ARHGAP39: variants seen among roughly 807,000 people sequenced by gnomAD.
ARHGAP39 encodes the protein Rho GTPase activating protein 39.
Under a neutral mutation model 106.9 loss-of-function variants are expected in ARHGAP39, and 44 were observed. That is an observed-to-expected ratio of 0.41 (90% confidence interval 0.32 to 0.53). The LOEUF (loss-of-function observed/expected upper bound fraction) is 0.53. Ranked by LOEUF, ARHGAP39 falls within the 20% of genes least tolerant of loss-of-function variation. The pLI, the probability that ARHGAP39 is intolerant of heterozygous loss-of-function variation, is 0.21. For missense variants in ARHGAP39, 1,496 were observed against 1,577.3 expected (o/e 0.95, Z 0.87); for synonymous variants, 768 against 693.2 (o/e 1.11, Z -1.69).
intron 7 of ARHGAP39, among the ~76,000 whole-genome samples, chr8:144,536,724 G>A (rs1328137192): frequency 6.6e-6 from 1 of 152,220 alleles, no homozygotes; most frequent in East Asian, 1.9e-4. Flanking sequence ...CCAGGGTGAG[G>A]ACAAGTCCCT....
intron 3 of ARHGAP39, among the ~76,000 whole-genome samples, chr8:144,561,683 C>T (rs970315284): frequency 9.2e-5 from 14 of 151,860 alleles, no homozygotes; most frequent in South Asian, 2.1e-4. Context: ...TGGTTTCCAT[C>T]GCGCTCCAGT....
At chr8:144,628,901 G>A (rs753139570) in intron 1 of ARHGAP39, among the ~76,000 whole-genome samples, 1 of 151,996 alleles carries the variant, frequency 6.6e-6, no homozygotes. Context: ...TCCCACCACC[G>A]AAATCCAGCT....
chr8:144,687,316 G>T (rs1230753046), upstream of ARHGAP39, among the ~76,000 whole-genome samples: 13 of 28,230 alleles, frequency 4.6e-4, no homozygotes, highest in African/African-American at 7.1e-4. Context: ...ACCACGCACT[G>T]GCGGCGAGCA....
intron 1 of ARHGAP39, among the ~76,000 whole-genome samples, chr8:144,627,192 G>C (rs973043373): frequency 2.6e-5 from 4 of 152,202 alleles, no homozygotes; most frequent in Non-Finnish European, 4.4e-5. Flanking sequence ...ACAGGCGGGG[G>C]ACACAGGAGG....
chr8:144,555,774 C>A, intron 3 of ARHGAP39, 131 bp from the exon 4 acceptor site: 1 of 765,820 alleles, frequency 1.3e-6, no homozygotes, highest in Non-Finnish European at 2.2e-6. Context: ...TGCCCCCAGG[C>A]TGTATTCTTC....
At chr8:144,533,028 C>T in intron 9 of ARHGAP39, 98 bp downstream of exon 9, 2 of 1,429,950 alleles carry the variant, frequency 1.4e-6, no homozygotes, top group Non-Finnish European at 1.9e-6. Context: ...CGGAAGCAGC[C>T]CAGTGGGCCT....
chr8:144,590,668 C>A (rs1183440427), intron 2 of ARHGAP39, among the ~76,000 whole-genome samples: 1 of 152,160 alleles, frequency 6.6e-6, no homozygotes, highest in African/African-American at 2.4e-5. Context: ...GGCCAGCCTG[C>A]AGAAGGCTGG....
chr8:144,628,159 C>G (rs1339483360), intron 1 of ARHGAP39, among the ~76,000 whole-genome samples: 1 of 152,200 alleles, frequency 6.6e-6, no homozygotes, highest in Non-Finnish European at 1.5e-5. Flanking sequence ...GAGACAGCGT[C>G]CTCAGAGAGG....
chr8:144,581,216 T>A lies in ARHGAP39; in HGVS notation c.142A>T (p.Thr48Ser), dbSNP rs893055183. 4 of 1,555,770 alleles carry A rather than the reference T, an allele frequency of 2.6e-6. No homozygotes were observed. In the African/African-American group the frequency reaches 5.4e-5, roughly 21 times the overall value. The change falls in exon 3 of 12, where the codon ACC becomes TCC. Residue 48 changes from threonine to serine, a missense_variant. This residue lies in a region of ARHGAP39 where 96 missense variants were observed against 107.9 expected (regional missense o/e 0.89). Coordinates refer to ENST00000377307, the MANE Select transcript of ARHGAP39 (RefSeq NM_025251.3). ...GGCGGGTCCCACACGCACTCACCGG[T>A]GACCAGGTTGGCGTACATGCGCTCG... Reference protein sequence around the residue: ...TRERMYANLVTGECVWDPPAG... With the variant: ...TRERMYANLVSGECVWDPPAG...
intron 3 of ARHGAP39, among the ~76,000 whole-genome samples, chr8:144,564,938 G>C (rs556145695): frequency 6.6e-6 from 1 of 152,118 alleles, no homozygotes; most frequent in East Asian, 1.9e-4. Flanking sequence ...ATGAAGCCCT[G>C]TCTCTCCTAA....
At chr8:144,657,688 T>A (rs566003622) in intron 1 of ARHGAP39, among the ~76,000 whole-genome samples, 84 of 152,256 alleles carry the variant, frequency 5.5e-4, no homozygotes, top group Admixed American at 1.0e-3. Flanking sequence ...GTTTAACATT[T>A]AAAAAATCAA....
intron 3 of ARHGAP39, among the ~76,000 whole-genome samples, chr8:144,568,169 C>CA (rs533931688): frequency 2.6e-5 from 4 of 151,024 alleles, no homozygotes; most frequent in Non-Finnish European, 3.0e-5. Context: ...TCGTCTTTGC[C>CA]AAAAAAATAC....
At chr8:144,617,635 G>A (rs1028078941) in intron 1 of ARHGAP39, among the ~76,000 whole-genome samples, 26 of 150,532 alleles carry the variant, frequency 1.7e-4, no homozygotes, top group Non-Finnish European at 2.1e-4. Flanking sequence ...AGCCGCACCC[G>A]CTCTAGTCTG....
chr8:144,652,970 A>G (rs1821609787), intron 1 of ARHGAP39, among the ~76,000 whole-genome samples: 1 of 152,150 alleles, frequency 6.6e-6, no homozygotes, highest in South Asian at 2.1e-4. Context: ...CAGGTTCTCA[A>G]CGTGATTTTA....
intron 1 of ARHGAP39, among the ~76,000 whole-genome samples, chr8:144,662,817 C>T (rs766714974): frequency 1.3e-5 from 2 of 149,892 alleles, no homozygotes; most frequent in Non-Finnish European, 3.0e-5. Context: ...CCACTCCCCC[C>T]ATCCCCATTA....
At chr8:144,601,252 G>C (rs111206472) in intron 2 of ARHGAP39, among the ~76,000 whole-genome samples, 3,766 of 141,164 alleles carry the variant, frequency 0.027, 177 homozygotes, top group African/African-American at 0.096. Context: ...GCATGGAGGC[G>C]TGTGTGCTCG....
At chr8:144,563,622 T>TAA (rs999572618) in intron 3 of ARHGAP39, among the ~76,000 whole-genome samples, 2 of 146,738 alleles carry the variant, frequency 1.4e-5, no homozygotes, top group Non-Finnish European at 3.0e-5. Context: ...CTTATCTCTA[T>TAA]AAAAAAAAAA....
At chr8:144,551,065 T>C in intron 4 of ARHGAP39, among the ~76,000 whole-genome samples, 1 of 152,314 alleles carries the variant, frequency 6.6e-6, no homozygotes, top group East Asian at 1.9e-4. Context: ...GTTTTGCATA[T>C]CTGTGACTCT....
chr8:144,598,696 T>G (rs1385287246), intron 2 of ARHGAP39, among the ~76,000 whole-genome samples: 1 of 152,188 alleles, frequency 6.6e-6, no homozygotes, highest in Non-Finnish European at 1.5e-5. Flanking sequence ...TGTCAGCCCA[T>G]GAGCAGGTGC....
Sources: allele counts gnomAD v4.1 joint callset (sites outside exome capture counted in the v4.1 genomes callset), GRCh38; gene constraint gnomAD v4.1.1; regional missense constraint gnomAD v4.1.1; transcripts MANE v1.5; gene names NCBI Gene and HGNC (gene_info 2026-07-23, HGNC 2026-07-21).